CABP4: variants seen among roughly 807,000 people sequenced by gnomAD.
CABP4 encodes calcium-binding protein 4.
A neutral mutation model predicts 30.7 loss-of-function variants in CABP4; 30 were observed. The observed-to-expected ratio is 0.98, with a 90% confidence interval of 0.73 to 1.33. The LOEUF (loss-of-function observed/expected upper bound fraction) is 1.33, where lower values mean the gene tolerates loss of function less well. Ranked by LOEUF, CABP4 falls within the 40% of genes most tolerant of loss-of-function variation. The pLI is 0.00. For synonymous variants in CABP4, 161 were observed against 159.2 expected, an observed-to-expected ratio of 1.01 and a Z score of -0.08; for missense variants, 424 against 395.5, an observed-to-expected ratio of 1.07 and a Z score of -0.61.
intron 3 of CABP4, 47 bp downstream of exon 3, chr11:67,456,489 G>C (rs1266346878): frequency 1.3e-6 from 2 of 1,598,660 alleles, no homozygotes; most frequent in Non-Finnish European, 1.7e-6. Flanking sequence ...TAGTTCAGGG[G>C]GTCACGAGGG....
upstream of CABP4, chr11:67,452,439 G>A (rs1002268917): frequency 4.3e-6 from 7 of 1,612,540 alleles, no homozygotes; most frequent in African/African-American, 6.7e-5. Flanking sequence ...AGCGGCCAGT[G>A]TCCCCCATGC....
At chr11:67,456,824 T>C (rs959022505) in intron 3 of CABP4, among the ~76,000 whole-genome samples, 1 of 152,222 alleles carries the variant, frequency 6.6e-6, no homozygotes, top group African/African-American at 2.4e-5. Flanking sequence ...TTTCTCTCTC[T>C]TTCTGTGACC....
At position 67,455,609 on chromosome 11, in the gene CABP4, A is replaced by G; in HGVS notation, c.186A>G (p.Thr62=). 6 of 1,606,804 alleles carry G rather than the reference A, an allele frequency of 3.7e-6. No homozygotes were observed. The highest frequency in any genetic ancestry group is 4.2e-6 in the Non-Finnish European group (5 of 1,177,884). Reference sequence around the variant, plus strand: ...GCACTGGCAGCTCTGGGGAGCAGACAGGCCCCGAGGCCCCGGGGAGCAGCA... The same window carrying G: ...GCACTGGCAGCTCTGGGGAGCAGACGGGCCCCGAGGCCCCGGGGAGCAGCA... The part of the protein sequence containing the change: ...RKRTGSSGEQ[T]GPEAPGSSNN... Residue 62 remains threonine, a synonymous_variant, in exon 1 of 6, where the codon ACA becomes ACG. Transcript: ENST00000325656.
chr11:67,453,754 C>T (rs964408184), upstream of CABP4: 1 of 152,252 alleles, frequency 6.6e-6, no homozygotes. Context: ...CCCCTACCCC[C>T]CAGGGTTCCA....
chr11:67,454,426 C>G (rs186044142), upstream of CABP4, among the ~76,000 whole-genome samples: 428 of 152,284 alleles, frequency 2.8e-3, 1 homozygote, highest in Non-Finnish European at 4.2e-3. Context: ...GTCTCCATTC[C>G]CTATTGGATC....
At position 67,457,650 on chromosome 11, in the gene CABP4, G is replaced by T. The variant is rs200515541; in HGVS notation, c.619G>T (p.Gly207Trp). The part of the protein sequence containing the change: ...KLREETAHML[G>W]VRELRIAFRE... The stretch of plus-strand genomic sequence containing the variant: ...GAGGGAGGAGACGGCGCACATGCTG[G>T]GGGTGCGAGAGCTGCGCATCGCCTT... The change falls in exon 4 of 6, where the codon GGG becomes TGG. Residue 207 changes from glycine to tryptophan, a missense_variant. Transcript: ENST00000325656. 1 of 1,602,772 alleles carries T rather than the reference G, an allele frequency of 6.2e-7. No individual in the cohort carries two copies. Among genetic ancestry groups the T allele is most frequent in the Non-Finnish European group, 8.5e-7 (1 of 1,174,990 alleles).
At chr11:67,457,446 G>A (rs1038302171) in intron 3 of CABP4, 127 bp from the exon 4 acceptor site, 1 of 782,092 alleles carries the variant, frequency 1.3e-6, no homozygotes, top group Non-Finnish European at 2.2e-6. Flanking sequence ...TCTGCTGCAG[G>A]CGTGGACACG....
chr11:67,452,665 A>G (rs1468898980), upstream of CABP4: 24 of 1,611,174 alleles, frequency 1.5e-5, no homozygotes, highest in South Asian at 2.4e-4. Context: ...CCTCATCATC[A>G]AGCTCTGTGC....
Position 67,460,169 on chromosome 11 carries a change from T to C in CABP4, c.*1510T>C, listed in dbSNP as rs1303691994. ...AGAGAGAACCGGAAGATTTAAAAAG[T>C]AACCCAACAGGCCAGGCGCATGGCT... is the stretch of plus-strand genomic sequence containing the variant. On this transcript the variant is annotated 3_prime_UTR_variant, in exon 6 of 6. Coordinates refer to ENST00000325656, the MANE Select transcript of CABP4 (RefSeq NM_145200.5). 5 of 151,966 alleles carry C rather than the reference T, an allele frequency of 3.3e-5. No individual in the cohort carries two copies. Among genetic ancestry groups the C allele is most frequent in the Non-Finnish European group, 5.9e-5 (4 of 67,994 alleles). 9.4% of individuals were successfully genotyped at this position (151,966 alleles called of 1,614,324 possible). A position where few individuals can be genotyped will look rare whatever the true frequency, so the allele number is the denominator to read the frequency against.
upstream of CABP4, chr11:67,452,811 G>A: frequency 1.9e-6 from 2 of 1,060,292 alleles, no homozygotes; most frequent in Non-Finnish European, 2.7e-6. Context: ...GAGAGACGGT[G>A]CTGTGCATCT....
chr11:67,452,654 T>C (rs1864604328), upstream of CABP4: 1 of 1,612,258 alleles, frequency 6.2e-7, no homozygotes, highest in African/African-American at 1.3e-5. Context: ...GGGGTAGGAG[T>C]CCTCATCATC....
Position 67,455,658 on chromosome 11 carries a change from GGGC to G in CABP4, c.236_238del (p.Gly79_Pro80delinsAla), listed in dbSNP as rs1227118408. On this transcript the variant is annotated inframe_deletion, in exon 1 of 6. Transcript: ENST00000325656. The stretch of plus-strand genomic sequence containing the variant: ...CAATAACCCTCCCAGCACTGGAGAG[GGGC>G]CGGCGGGCGCACCCCCTGCATCCCC... The G allele has an allele frequency of 2.5e-6, 4 of 1,609,194 alleles. No homozygotes were observed. Among genetic ancestry groups the G allele is most frequent in the Non-Finnish European group, 3.4e-6 (4 of 1,179,036 alleles).
In CABP4 at chr11:67,458,737, C is replaced by A; in HGVS notation, c.*78C>A. On this transcript the variant is annotated 3_prime_UTR_variant, in exon 6 of 6. Transcript: ENST00000325656. ...CCAGGCTGCAGGCCTCCCCCAGGAG[C>A]CTCCAGGATGGAGATGGAGACCCAG... 1 of 1,572,660 alleles carries A rather than the reference C, an allele frequency of 6.4e-7. No individual in the cohort carries two copies. Among genetic ancestry groups the A allele is most frequent in the Non-Finnish European group, 8.7e-7 (1 of 1,147,448 alleles).
intron 5 of CABP4, 29 bp from the exon 6 acceptor site, chr11:67,458,602 G>C: frequency 6.2e-7 from 1 of 1,614,128 alleles, no homozygotes; most frequent in Admixed American, 1.7e-5. Flanking sequence ...GACGTGGACT[G>C]ACCCAAGCCC....
intron 1 of CABP4, 24 bp downstream of exon 1, chr11:67,455,813 T>TG: frequency 6.4e-7 from 1 of 1,551,994 alleles, no homozygotes. Context: ...TGGATTGGGC[T>TG]GGGGGTCCTG....
At chr11:67,456,468 G>A (rs1387729645) in intron 3 of CABP4, 26 bp downstream of exon 3, 2 of 1,604,882 alleles carry the variant, frequency 1.2e-6, no homozygotes, top group Middle Eastern at 1.7e-4. Context: ...CGCCCGCCCG[G>A]GCAGCCTGCG....
rs192302421 is a variant in CABP4, at chr11:67,455,397, G to A, written c.-27G>A. On this transcript the variant is annotated 5_prime_UTR_variant, in exon 1 of 6. Coordinates refer to ENST00000325656, the MANE Select transcript of CABP4 (RefSeq NM_145200.5). ...AGCCAAGGGTGCCCAGGGGTGTGGTGTCTCTGAGCCCTGTTATCCCTCCCC... is the reference window on the plus strand; with the variant it reads ...AGCCAAGGGTGCCCAGGGGTGTGGTATCTCTGAGCCCTGTTATCCCTCCCC... 1.6e-3 allele frequency: 2,538 copies of A among 1,591,160 alleles called. 15 individuals carry two copies. Among genetic ancestry groups the A allele is most frequent in the Middle Eastern group, 3.8e-3 (18 of 4,790 alleles).
At position 67,461,343 on chromosome 11, in the gene CABP4, G is replaced by A. The variant is rs903231017; in HGVS notation, c.*2684G>A. Among the ~76,000 whole-genome samples, 1 of 152,134 alleles carries A rather than the reference G, an allele frequency of 6.6e-6. No individual in the cohort carries two copies. The highest frequency in any genetic ancestry group is 2.4e-5 in the African/African-American group (1 of 41,424). On this transcript the variant is annotated 3_prime_UTR_variant, in exon 6 of 6. Transcript: ENST00000325656. ...GTCTCAGACGGAGGACATACATAGA[G>A]AATGAACAAGAAGCAATAACCAAAG...
At chr11:67,455,267 A>T, upstream of CABP4, 1 of 1,009,330 alleles carries the variant, frequency 9.9e-7, no homozygotes, top group Non-Finnish European at 1.4e-6. Context: ...GACTGGGATT[A>T]GGGCCAGGGC....
Sources: allele counts gnomAD v4.1 joint callset (sites outside exome capture counted in the v4.1 genomes callset), GRCh38; gene constraint gnomAD v4.1.1; transcripts MANE v1.5; gene names NCBI Gene and HGNC (gene_info 2026-07-23, HGNC 2026-07-21).